The following TDP1 variants were observed in gnomAD, a reference collection of about 807,000 sequenced individuals.
TDP1 encodes the protein tyrosyl-DNA phosphodiesterase 1.
TDP1 carries 64 observed loss-of-function variants against 81.5 expected under a neutral mutation model. The ratio of observed to expected loss-of-function variants is 0.79; its 90% CI spans 0.64 to 0.97. The LOEUF is 0.97. TDP1 is among the 50% of genes least tolerant of loss of function. The probability of loss-of-function intolerance (pLI) is 0.00; values close to 1 mark genes in which losing one functional copy is unlikely to be tolerated. For synonymous variants in TDP1, 256 were observed against 264.3 expected, an observed-to-expected ratio of 0.97 and a Z score of 0.30; for missense variants, 723 against 743.8, an observed-to-expected ratio of 0.97 and a Z score of 0.33.
intron 14 of TDP1, among the ~76,000 whole-genome samples, chr14:89,997,820 A>G (rs751028840): frequency 5.3e-5 from 8 of 152,152 alleles, no homozygotes; most frequent in Non-Finnish European, 8.8e-5. Flanking sequence ...TTTTATATAT[A>G]TATTCTATTT....
chr14:89,968,914 C>T (rs185363706), intron 5 of TDP1, among the ~76,000 whole-genome samples: 2 of 152,288 alleles, frequency 1.3e-5, no homozygotes, highest in East Asian at 3.9e-4. Flanking sequence ...AGATAGAGCC[C>T]TTACAAAGGT....
intron 13 of TDP1, among the ~76,000 whole-genome samples, 178 bp downstream of exon 13, chr14:89,992,161 G>A (rs1896261043): frequency 6.6e-6 from 1 of 151,970 alleles, no homozygotes; most frequent in Non-Finnish European, 1.5e-5. Flanking sequence ...TTTGGAATAG[G>A]TTTTTAATAC....
chr14:90,007,626 A>AT lies in TDP1; in HGVS notation c.1542-11679dup, dbSNP rs968825641. ...TGGGACAAAGTAACTGCCAACTAAG[A>AT]TTTTTTTTTTTCCTTTTAAGGCAGA... On this transcript the variant is annotated intron_variant, in intron 14 of 16. Transcript: ENST00000335725. Among the ~76,000 whole-genome samples the AT allele has an allele frequency of 4.9e-3, 727 of 147,294 alleles. 2 individuals are homozygous for AT. Among genetic ancestry groups the AT allele is most frequent in the African/African-American group, 0.014 (568 of 40,122 alleles).
chr14:89,962,924 T>G (rs1892503001), intron 2 of TDP1, 184 bp from the exon 3 acceptor site: 1 of 985,012 alleles, frequency 1.0e-6, no homozygotes, highest in South Asian at 4.7e-5. Context: ...TTGCTTGTGA[T>G]TTGGCAGAAT....
At chr14:89,966,610 C>T (rs946527832) in intron 4 of TDP1, among the ~76,000 whole-genome samples, 11 of 152,182 alleles carry the variant, frequency 7.2e-5, no homozygotes, top group Non-Finnish European at 1.5e-4. Context: ...TCAGTGGCTC[C>T]TTCCTGACTG....
At chr14:90,020,569 CCCTT>C (rs1311806712) in intron 15 of TDP1, among the ~76,000 whole-genome samples, 17 of 14,066 alleles carry the variant, frequency 1.2e-3, no homozygotes, top group African/African-American at 1.8e-3. Context: ...CTCCCTCCCT[CCCTT>C]CCTTCCTTCC....
chr14:90,007,605 A>G (rs940810859), intron 14 of TDP1, among the ~76,000 whole-genome samples: 7 of 151,970 alleles, frequency 4.6e-5, no homozygotes, highest in African/African-American at 1.7e-4. Context: ...GGAAACTGGG[A>G]CAAAGTAACT....
intron 14 of TDP1, among the ~76,000 whole-genome samples, chr14:90,017,483 G>T (rs778008594): frequency 5.3e-5 from 8 of 152,140 alleles, no homozygotes; most frequent in Non-Finnish European, 5.9e-5. Flanking sequence ...AGGAGGGATT[G>T]GAGGAAGCCA....
rs997213891 is a variant in TDP1 at position 90,010,143 on chromosome 14, CTTTAT to C, written c.1542-9169_1542-9165del. Among the ~76,000 whole-genome samples, 3 of 152,270 alleles carry C rather than the reference CTTTAT, an allele frequency of 2.0e-5. No homozygotes were observed. In the Middle Eastern group the frequency reaches 0.01, roughly 518 times the overall value. On this transcript the variant is annotated intron_variant, in intron 14 of 16. Coordinates refer to ENST00000335725, the MANE Select transcript of TDP1 (RefSeq NM_018319.4). ...GTTTGGACTTCAGAATATTTTAAAA[CTTTAT>C]TTTGTCAAAAGACACCATTTTGGGA...
At chr14:89,996,873 G>A (rs1419478636) in intron 14 of TDP1, among the ~76,000 whole-genome samples, 3 of 152,148 alleles carry the variant, frequency 2.0e-5, no homozygotes, top group Non-Finnish European at 2.9e-5. Flanking sequence ...GTGAGGTGGC[G>A]TTATCCCCTC....
chr14:90,016,118 C>T (rs901625291), intron 14 of TDP1, among the ~76,000 whole-genome samples: 1 of 151,716 alleles, frequency 6.6e-6, no homozygotes, highest in African/African-American at 2.4e-5. Context: ...CATCTTGCCC[C>T]ACAGCAACCT....
Position 90,044,602 on chromosome 14 carries a change from G to A in TDP1, c.*1459G>A, listed in dbSNP as rs569186834. ...GCTGCAGTGGGGGTGTGGCGATAGA[G>A]CAGGAGGCAGGGAGACAGGGCTGCA... On this transcript the variant is annotated 3_prime_UTR_variant, in exon 17 of 17. Coordinates refer to ENST00000335725, the MANE Select transcript of TDP1 (RefSeq NM_018319.4). The A allele has an allele frequency of 2.0e-5, 3 of 152,502 alleles. No homozygotes were observed. In the South Asian group the frequency reaches 6.2e-4, roughly 32 times the overall value. The allele number at this position is 152,502 out of a possible 1,614,324, so 9.4% of individuals were successfully genotyped here.
intron 14 of TDP1, among the ~76,000 whole-genome samples, chr14:90,012,342 ATC>A (rs1230206874): frequency 1.3e-5 from 2 of 151,912 alleles, no homozygotes; most frequent in Non-Finnish European, 2.9e-5. Context: ...CTGTCAGTGA[ATC>A]TACAATTCTG....
At chr14:89,962,305 T>C (rs1215938315) in intron 2 of TDP1, among the ~76,000 whole-genome samples, 1 of 152,186 alleles carries the variant, frequency 6.6e-6, no homozygotes, top group African/African-American at 2.4e-5. Context: ...TTGAAGACTT[T>C]GTTAAGCTTT....
At chr14:89,960,997 A>G (rs1365853837) in intron 2 of TDP1, among the ~76,000 whole-genome samples, 1 of 152,152 alleles carries the variant, frequency 6.6e-6, no homozygotes, top group African/African-American at 2.4e-5. Flanking sequence ...TCAGGCAGAG[A>G]CCTTTAATGG....
chr14:89,973,690 GC>G (rs1389008018), intron 6 of TDP1, among the ~76,000 whole-genome samples: 1 of 152,150 alleles, frequency 6.6e-6, no homozygotes, highest in Non-Finnish European at 1.5e-5. Flanking sequence ...GAGTCACATT[GC>G]CTGGGCTCAG....
At chr14:89,998,004 G>A (rs1352194751) in intron 14 of TDP1, among the ~76,000 whole-genome samples, 1 of 152,100 alleles carries the variant, frequency 6.6e-6, no homozygotes, top group East Asian at 1.9e-4. Context: ...GCAAATGGTG[G>A]TAAGTGCTAT....
At chr14:90,025,012 G>C (rs920525419) in intron 15 of TDP1, among the ~76,000 whole-genome samples, 3 of 152,082 alleles carry the variant, frequency 2.0e-5, no homozygotes, top group African/African-American at 7.2e-5. Context: ...CTCTGTGTCC[G>C]CACCACCCAC....
At chr14:89,995,112 T>C (rs777157244) in intron 14 of TDP1, among the ~76,000 whole-genome samples, 3 of 152,264 alleles carry the variant, frequency 2.0e-5, no homozygotes, top group Non-Finnish European at 4.4e-5. Context: ...TTGAAATTTG[T>C]CATTATGGCT....
Sources: gnomAD v4.1 joint callset for allele counts (sites outside exome capture counted in the v4.1 genomes callset) on GRCh38, gnomAD v4.1.1 for gene constraint, MANE v1.5 for transcripts, NCBI Gene and HGNC (gene_info 2026-07-23, HGNC 2026-07-21) for gene names.